GRM7: variants seen among roughly 807,000 people sequenced by gnomAD.
The protein encoded by GRM7 is metabotropic glutamate receptor 7.
In GRM7, 35 loss-of-function variants were observed where a neutral mutation model predicts 84.5. The observed-to-expected ratio is 0.41, with a 90% CI of 0.32 to 0.55. GRM7 has a LOEUF of 0.55. Among genes scored for constraint, GRM7 ranks in the 20% least tolerant of loss-of-function variants. The pLI, the probability that GRM7 is intolerant of heterozygous loss-of-function variation, is 0.19. For synonymous variants in GRM7, 487 were observed against 455.1 expected (o/e 1.07, Z -0.89); for missense variants, 1,003 against 1,194.6 (o/e 0.84, Z 2.36).
chr3:7,154,531 T>C (rs2125073058), intron 2 of GRM7, among the ~76,000 whole-genome samples: 1 of 152,264 alleles, frequency 6.6e-6, no homozygotes, highest in African/African-American at 2.4e-5. Flanking sequence ...GAACTCTTTC[T>C]TTACTTGCCT....
intron 7 of GRM7, among the ~76,000 whole-genome samples, chr3:7,506,843 G>A (rs1055935468): frequency 6.6e-6 from 1 of 152,184 alleles, no homozygotes; most frequent in South Asian, 2.1e-4. Context: ...TGAGGGCAGA[G>A]CCAACATTAA....
At chr3:7,401,572 A>G (rs1695454457) in intron 4 of GRM7, among the ~76,000 whole-genome samples, 1 of 152,084 alleles carries the variant, frequency 6.6e-6, no homozygotes, top group South Asian at 2.1e-4. Flanking sequence ...TATTTCTGCA[A>G]CACCAATTAC....
chr3:7,527,090 G>A (rs2124999277), intron 7 of GRM7, among the ~76,000 whole-genome samples: 1 of 152,006 alleles, frequency 6.6e-6, no homozygotes, highest in Middle Eastern at 3.4e-3. Flanking sequence ...GATAGGAATA[G>A]CATTGAATAC....
At chr3:7,031,925 T>A (rs903609648) in intron 1 of GRM7, among the ~76,000 whole-genome samples, 1 of 151,990 alleles carries the variant, frequency 6.6e-6, no homozygotes, top group Non-Finnish European at 1.5e-5. Context: ...CAACTATGAA[T>A]GCTAACACAG....
chr3:7,461,748 C>G (rs748763547), intron 7 of GRM7, 26 bp downstream of exon 7: 1 of 1,607,678 alleles, frequency 6.2e-7, no homozygotes. Flanking sequence ...TTCTCTTCTT[C>G]CCTTGTTGAG....
At chr3:7,580,472 T>G (rs1695197160) in intron 8 of GRM7, among the ~76,000 whole-genome samples, 1 of 152,192 alleles carries the variant, frequency 6.6e-6, no homozygotes, top group Non-Finnish European at 1.5e-5. Flanking sequence ...CAACAGCCTG[T>G]GTATCCAGGA....
intron 9 of GRM7, among the ~76,000 whole-genome samples, chr3:7,734,384 TG>T (rs1702433567): frequency 6.6e-6 from 1 of 152,202 alleles, no homozygotes; most frequent in Admixed American, 6.5e-5. Flanking sequence ...TTAAAAAATG[TG>T]AATATACAAT....
At chr3:7,338,248 G>C (rs1701501483) in intron 4 of GRM7, among the ~76,000 whole-genome samples, 1 of 151,818 alleles carries the variant, frequency 6.6e-6, no homozygotes, top group Non-Finnish European at 1.5e-5. Flanking sequence ...CTCAGAAATG[G>C]AAAACCAAAC....
intron 1 of GRM7, among the ~76,000 whole-genome samples, chr3:6,938,833 T>G (rs1254529544): frequency 6.6e-6 from 1 of 152,182 alleles, no homozygotes; most frequent in Non-Finnish European, 1.5e-5. Context: ...AAGTTGTGTC[T>G]TATCAACAAG....
chr3:7,129,509 T>G (rs1276565861), intron 1 of GRM7, among the ~76,000 whole-genome samples: 3 of 152,212 alleles, frequency 2.0e-5, no homozygotes, highest in Admixed American at 1.3e-4. Flanking sequence ...GTGTGATTCA[T>G]GAGAATATTT....
At chr3:7,180,377 C>G (rs1695294969) in intron 2 of GRM7, among the ~76,000 whole-genome samples, 1 of 152,138 alleles carries the variant, frequency 6.6e-6, no homozygotes, top group South Asian at 2.1e-4. Flanking sequence ...TCTTACATCT[C>G]TCACTTTTCA....
At chr3:7,356,920 T>TCTCA (rs1335613234) in intron 4 of GRM7, among the ~76,000 whole-genome samples, 81 of 131,280 alleles carry the variant, frequency 6.2e-4, no homozygotes, top group African/African-American at 2.2e-3. Context: ...GCCTTTTTGA[T>TCTCA]CACACACACA....
intron 4 of GRM7, among the ~76,000 whole-genome samples, chr3:7,361,510 C>T (rs1309517259): frequency 1.3e-5 from 2 of 152,076 alleles, no homozygotes; most frequent in Non-Finnish European, 2.9e-5. Context: ...GTTTCCTAAA[C>T]AGTTCTTGCT....
At chr3:7,617,540 C>T (rs1458839362) in intron 8 of GRM7, among the ~76,000 whole-genome samples, 1 of 151,856 alleles carries the variant, frequency 6.6e-6, no homozygotes, top group Non-Finnish European at 1.5e-5. Flanking sequence ...ACCCAGAAGC[C>T]ATAAAGCAAA....
chr3:7,233,503 T>C (rs1697257896), intron 2 of GRM7, among the ~76,000 whole-genome samples: 1 of 152,152 alleles, frequency 6.6e-6, no homozygotes, highest in Non-Finnish European at 1.5e-5. Context: ...TATTGTAACT[T>C]TGAGGTTTCT....
intron 9 of GRM7, among the ~76,000 whole-genome samples, chr3:7,689,123 G>C (rs1416518299): frequency 2.0e-5 from 3 of 152,206 alleles, no homozygotes; most frequent in Admixed American, 6.5e-5. Context: ...AGTTTTGTTA[G>C]GAGGTAAATT....
chr3:7,004,276 T>A (rs1695110004), intron 1 of GRM7, among the ~76,000 whole-genome samples: 1 of 152,130 alleles, frequency 6.6e-6, no homozygotes, highest in African/African-American at 2.4e-5. Flanking sequence ...ATAGTAAAAA[T>A]TTTTTAAACA....
intron 4 of GRM7, among the ~76,000 whole-genome samples, chr3:7,389,108 A>G (rs910230373): frequency 6.6e-6 from 1 of 152,046 alleles, no homozygotes; most frequent in Admixed American, 6.6e-5. Flanking sequence ...AACAATTTTT[A>G]TCTCTGCCTT....
At chr3:7,256,181 G>A (rs1698192077) in intron 2 of GRM7, among the ~76,000 whole-genome samples, 1 of 151,558 alleles carries the variant, frequency 6.6e-6, no homozygotes, top group South Asian at 2.1e-4. Context: ...TATTCTTCAG[G>A]GCTCTTCTCA....
Sources: gnomAD v4.1 joint callset for allele counts (sites outside exome capture counted in the v4.1 genomes callset) on GRCh38, gnomAD v4.1.1 for gene constraint, MANE v1.5 for transcripts, NCBI Gene and HGNC (gene_info 2026-07-23, HGNC 2026-07-21) for gene names.